The following SLC38A8 variants were observed in gnomAD, a reference collection of about 807,000 sequenced individuals.
SLC38A8 encodes amino acid transporter SLC38A8.
In SLC38A8, 65 loss-of-function variants were observed where a neutral mutation model predicts 46.0. That is an observed-to-expected ratio of 1.41 (90% CI 1.16 to 1.74). The LOEUF (loss-of-function observed/expected upper bound fraction) is 1.74. Among genes scored for constraint, SLC38A8 ranks in the 40% most tolerant of loss-of-function variants. SLC38A8 has a pLI of 0.00. For synonymous variants in SLC38A8, 447 were observed against 243.7 expected (o/e 1.83, Z -7.77); for missense variants, 998 against 567.9 (o/e 1.76, Z -7.70).
At position 84,039,993 on chromosome 16, in the gene SLC38A8, G is replaced by A. The variant is rs1204910598; in HGVS notation, c.189+1976C>T. 2 of 152,222 alleles carry A rather than the reference G, an allele frequency of 1.3e-5. 1 individual carries two copies. The highest frequency in any genetic ancestry group is 4.1e-4 in the South Asian group (2 of 4,830). 9.4% of individuals were successfully genotyped at this position (152,222 alleles called of 1,614,324 possible). A position where few individuals can be genotyped will look rare whatever the true frequency, so the allele number is the denominator to read the frequency against. On this transcript the variant is annotated intron_variant, in intron 2 of 10. Transcript: ENST00000299709. ...GCGCCCGACCCTGCTTAGCTCCTGA[G>A]ATCAGATGAGATCAGGTGCGTTCAA... is the stretch of plus-strand genomic sequence containing the variant.
At chr16:84,031,723 C>G in intron 5 of SLC38A8, 144 bp downstream of exon 5, 1 of 698,474 alleles carries the variant, frequency 1.4e-6, no homozygotes, top group Non-Finnish European at 2.4e-6. Context: ...TTGCCTTCAC[C>G]GCATCAGAGA....
Position 84,017,156 on chromosome 16 carries a change from C to A in SLC38A8, c.937G>T (p.Val313Leu). ...AVSIVTVYPI[V>L]LFLGRSVMQD... is the part of the protein sequence containing the mutation. ...AGGCCTCACCTCCCCAGGAAGAGCA[C>A]GATGGGGTAGACAGTTACGATGGAG... The change falls in exon 8 of 11, where the codon GTG (valine) becomes TTG (leucine). Residue 313 changes from valine (V) to leucine (L), a missense_variant. Physicochemically the swap from Val to Leu is conservative, Grantham distance 32. Coordinates refer to ENST00000299709, the MANE Select transcript of SLC38A8 (RefSeq NM_001080442.3). 2 of 1,614,012 alleles carry A rather than the reference C, an allele frequency of 1.2e-6. No individual in the cohort carries two copies. Among genetic ancestry groups the A allele is most frequent in the Non-Finnish European group, 1.7e-6 (2 of 1,180,008 alleles).
chr16:84,042,343 C>A (rs2085377477), intron 1 of SLC38A8, among the ~76,000 whole-genome samples, 184 bp from the exon 2 acceptor site: 1 of 152,154 alleles, frequency 6.6e-6, no homozygotes, highest in South Asian at 2.1e-4. Context: ...TTCTAGTCCC[C>A]CTTCGTCTCC....
chr16:84,031,586 G>T (rs922447360), intron 5 of SLC38A8, among the ~76,000 whole-genome samples: 3 of 145,608 alleles, frequency 2.1e-5, no homozygotes, highest in Non-Finnish European at 3.1e-5. Flanking sequence ...CACACTGTGG[G>T]GACAAGTCTG....
intron 6 of SLC38A8, among the ~76,000 whole-genome samples, chr16:84,026,287 T>G (rs76599304): frequency 0.046 from 6,985 of 152,276 alleles, 542 homozygotes; most frequent in African/African-American, 0.16. Flanking sequence ...TGGAGTACAG[T>G]TGCATGATCT....
intron 5 of SLC38A8, 119 bp from the exon 6 acceptor site, chr16:84,029,670 G>A (rs140908640): frequency 8.9e-6 from 9 of 1,005,922 alleles, no homozygotes; most frequent in East Asian, 7.8e-5. Context: ...GCTGCAAGAT[G>A]TATTTTTAAT....
At position 84,033,482 on chromosome 16, in the gene SLC38A8, C is replaced by T. The variant is rs1041913349; in HGVS notation, c.389-13G>A. ...AGGGAGTCACACACTGCCAGAGACA[C>T]GGGGAGAGCTGAGCCACAGAGTACA... On this transcript the variant is annotated splice_polypyrimidine_tract_variant and intron_variant, in intron 3 of 10. Coordinates refer to ENST00000299709, the MANE Select transcript of SLC38A8 (RefSeq NM_001080442.3). The T allele has an allele frequency of 2.4e-5, 38 of 1,585,788 alleles. 1 individual carries two copies. The highest frequency in any genetic ancestry group is 7.0e-5 in the Admixed American group (4 of 57,092).
In SLC38A8 at chr16:84,042,275, C is replaced by T. The variant is rs571288273; in HGVS notation, c.-2-116G>A. The T allele has an allele frequency of 2.1e-3, 2,411 of 1,163,944 alleles. 5 individuals are homozygous for T. Among genetic ancestry groups the T allele is most frequent in the Non-Finnish European group, 2.6e-3 (2,212 of 847,170 alleles). 72.1% of individuals were successfully genotyped at this position (1,163,944 alleles called of 1,614,324 possible). On this transcript the variant is annotated intron_variant, in intron 1 of 10. Transcript: ENST00000299709. ...GAGAGCTCCCTGAGCCGCTCCTGCC[C>T]GCTTCCTTGGCGTCAGCTCCCCCTT...
intron 3 of SLC38A8, among the ~76,000 whole-genome samples, chr16:84,036,210 G>C (rs552658332): frequency 6.6e-6 from 1 of 152,234 alleles, no homozygotes; most frequent in Non-Finnish European, 1.5e-5. Flanking sequence ...GTGAAAAGGA[G>C]CAAATATTTT....
intron 6 of SLC38A8, among the ~76,000 whole-genome samples, chr16:84,025,114 G>A (rs1229387764): frequency 6.6e-6 from 1 of 152,026 alleles, no homozygotes; most frequent in East Asian, 1.9e-4. Flanking sequence ...TACAGCCAGG[G>A]CTGGGCAGGG....
At chr16:84,035,316 C>T (rs983081238) in intron 3 of SLC38A8, among the ~76,000 whole-genome samples, 11 of 152,174 alleles carry the variant, frequency 7.2e-5, no homozygotes, top group African/African-American at 9.7e-5. Context: ...GGTATAAGGT[C>T]GTGTTTACCA....
At chr16:84,040,317 CCTCAGGGTTCCCTT>C (rs2085353640) in intron 2 of SLC38A8, among the ~76,000 whole-genome samples, 1 of 152,338 alleles carries the variant, frequency 6.6e-6, no homozygotes, top group African/African-American at 2.4e-5. Context: ...CATTTATTCA[CCTCAGGGTTCCCTT>C]CTCCTCAAGT....
chr16:84,032,114 T>G, intron 4 of SLC38A8, 146 bp from the exon 5 acceptor site: 1 of 662,392 alleles, frequency 1.5e-6, no homozygotes, highest in Non-Finnish European at 2.7e-6. Flanking sequence ...CATCCTCATC[T>G]GTACAGGGGG....
intron 3 of SLC38A8, among the ~76,000 whole-genome samples, chr16:84,033,755 G>A (rs573878658): frequency 5.9e-5 from 9 of 152,260 alleles, no homozygotes; most frequent in Admixed American, 2.0e-4. Context: ...ATCTGCCCTC[G>A]TGCCCCTTAC....
intron 4 of SLC38A8, 22 bp from the exon 5 acceptor site, chr16:84,031,990 G>T (rs757693259): frequency 6.2e-7 from 1 of 1,603,324 alleles, no homozygotes; most frequent in African/African-American, 1.3e-5. Context: ...ACCGTGTGAG[G>T]GGCTGCGCAG....
intron 3 of SLC38A8, among the ~76,000 whole-genome samples, chr16:84,035,542 A>T (rs2085291218): frequency 6.6e-6 from 1 of 152,210 alleles, no homozygotes; most frequent in Non-Finnish European, 1.5e-5. Flanking sequence ...GCCTACAAGA[A>T]ATGCATTTTA....
intron 4 of SLC38A8, among the ~76,000 whole-genome samples, chr16:84,032,249 C>T (rs528820409): frequency 5.9e-5 from 9 of 152,196 alleles, no homozygotes; most frequent in East Asian, 3.9e-4. Context: ...AGTGCAGTGG[C>T]GCAATCTTGG....
At chr16:84,023,811 T>C (rs1257825021) in intron 6 of SLC38A8, among the ~76,000 whole-genome samples, 1 of 152,170 alleles carries the variant, frequency 6.6e-6, no homozygotes, top group African/African-American at 2.4e-5. Flanking sequence ...GGTGAATCAC[T>C]GGAATTCGGG....
At chr16:84,029,608 G>C in intron 5 of SLC38A8, 57 bp from the exon 6 acceptor site, 1 of 1,555,462 alleles carries the variant, frequency 6.4e-7, no homozygotes, top group East Asian at 2.2e-5. Context: ...GGAACAACCT[G>C]CGGCTGCAAT....
Sources: allele counts gnomAD v4.1 joint callset (sites outside exome capture counted in the v4.1 genomes callset), GRCh38; gene constraint gnomAD v4.1.1; transcripts MANE v1.5; gene names NCBI Gene and HGNC (gene_info 2026-07-23, HGNC 2026-07-21).